Variants in INO80 observed in about 807,000 individuals in gnomAD.
The protein encoded by INO80 is INO80 complex ATPase subunit.
Under a neutral mutation model 203.4 loss-of-function variants are expected in INO80, and 20 were observed. That is an observed-to-expected ratio of 0.10 (90% CI 0.07 to 0.14). The LOEUF is 0.14. INO80 is among the 10% of genes least tolerant of loss of function. The pLI is 1.00. For missense variants in INO80, 1,419 were observed against 1,914.4 expected (o/e 0.74, Z 4.83); for synonymous variants, 726 against 685.2 (o/e 1.06, Z -0.93).
intron 23 of INO80, 99 bp from the exon 24 acceptor site, chr15:41,045,174 T>C: frequency 2.4e-6 from 2 of 849,938 alleles, no homozygotes; most frequent in South Asian, 5.3e-5. Flanking sequence ...ATAACTCTTT[T>C]GTAAATCTTT....
chr15:41,009,540 T>C (rs1396954988), intron 27 of INO80, among the ~76,000 whole-genome samples: 2 of 152,074 alleles, frequency 1.3e-5, no homozygotes, highest in South Asian at 4.2e-4. Flanking sequence ...ATTTCATCCA[T>C]GTCCCTACAA....
Position 41,096,165 on chromosome 15 carries a change from T to C in INO80, c.143+3A>G, listed in dbSNP as rs1250249637. 6.3e-7 allele frequency: 1 copy of C among 1,599,510 alleles called. No homozygotes were observed. Among genetic ancestry groups the C allele is most frequent in the African/African-American group, 1.3e-5 (1 of 74,124 alleles). ...AACATATTGCAAAGATACAATAACA[T>C]ACCTAGAAATATTCCTATTGAAGAT... On this transcript the variant is annotated splice_donor_region_variant and intron_variant, in intron 2 of 35. Transcript: ENST00000648947.
At chr15:41,026,631 A>C (rs71472465) in intron 25 of INO80, among the ~76,000 whole-genome samples, 46 of 152,288 alleles carry the variant, frequency 3.0e-4, no homozygotes, top group African/African-American at 1.1e-3. Context: ...GAGTGGAGAA[A>C]CAAGAGAAAA....
chr15:41,033,007 C>T (rs953530744), intron 24 of INO80, among the ~76,000 whole-genome samples: 3 of 152,138 alleles, frequency 2.0e-5, no homozygotes, highest in African/African-American at 7.2e-5. Context: ...CATTGCACTC[C>T]AGCCTGGGTG....
chr15:41,082,373 G>A (rs945217638), intron 7 of INO80, among the ~76,000 whole-genome samples: 5 of 151,864 alleles, frequency 3.3e-5, no homozygotes, highest in Non-Finnish European at 5.9e-5. Context: ...AGACTAGCCT[G>A]GGCAAGATAG....
chr15:41,083,592 G>GCT (rs1215621721), intron 7 of INO80, among the ~76,000 whole-genome samples: 3 of 151,176 alleles, frequency 2.0e-5, no homozygotes, highest in African/African-American at 7.3e-5. Flanking sequence ...TGTAGTCCCA[G>GCT]CTACTCAGCT....
chr15:41,007,515 A>G (rs1207133413), intron 27 of INO80, among the ~76,000 whole-genome samples: 1 of 152,040 alleles, frequency 6.6e-6, no homozygotes, highest in Non-Finnish European at 1.5e-5. Flanking sequence ...TTCTAGCCTC[A>G]TAAAAGCATT....
intron 25 of INO80, among the ~76,000 whole-genome samples, chr15:41,023,069 C>A (rs2044318350): frequency 6.7e-6 from 1 of 149,150 alleles, no homozygotes; most frequent in Non-Finnish European, 1.5e-5. Flanking sequence ...CCACTGCACT[C>A]CAGCCTGGGC....
chr15:41,017,798 CTCTT>C (rs1404149940), intron 26 of INO80: 1 of 152,206 alleles, frequency 6.6e-6, no homozygotes, highest in African/African-American at 2.4e-5. Flanking sequence ...TTTGTTCAGT[CTCTT>C]TGTTTGGTCC....
At chr15:41,069,033 A>C (rs950213127) in intron 14 of INO80, among the ~76,000 whole-genome samples, 16 of 152,244 alleles carry the variant, frequency 1.1e-4, no homozygotes, top group African/African-American at 3.9e-4. Flanking sequence ...CAGTTTGACC[A>C]CGAGTATCCA....
intron 9 of INO80, among the ~76,000 whole-genome samples, chr15:41,076,880 A>G (rs1353061705): frequency 6.6e-6 from 1 of 152,182 alleles, no homozygotes; most frequent in East Asian, 1.9e-4. Context: ...ACACAGTATA[A>G]GTAGCATATT....
intron 34 of INO80, among the ~76,000 whole-genome samples, chr15:40,983,475 A>C (rs1893911838): frequency 6.6e-6 from 1 of 152,196 alleles, no homozygotes; most frequent in Admixed American, 6.6e-5. Flanking sequence ...TGGCAGCAAC[A>C]CTAGACCCCA....
At chr15:40,990,184 G>A (rs2140417688) in intron 29 of INO80, among the ~76,000 whole-genome samples, 1 of 152,096 alleles carries the variant, frequency 6.6e-6, no homozygotes, top group South Asian at 2.1e-4. Flanking sequence ...ATCACAGCAA[G>A]GGGCTGGGGT....
At chr15:40,981,438 T>C (rs1566896889) in intron 35 of INO80, among the ~76,000 whole-genome samples, 1 of 152,014 alleles carries the variant, frequency 6.6e-6, no homozygotes, top group East Asian at 1.9e-4. Context: ...GGCAAAGGGC[T>C]AAGAAACACT....
chr15:40,990,912 C>G (rs1375403696), intron 29 of INO80, among the ~76,000 whole-genome samples: 1 of 152,016 alleles, frequency 6.6e-6, no homozygotes, highest in Non-Finnish European at 1.5e-5. Context: ...AAAATGACCA[C>G]AAATGTGGAA....
At chr15:41,047,369 C>G (rs747373600) in intron 23 of INO80, 39 bp downstream of exon 23, 1 of 1,273,482 alleles carries the variant, frequency 7.9e-7, no homozygotes, top group South Asian at 1.2e-5. Context: ...CCATTTATTC[C>G]TAACTGGCCT....
intron 18 of INO80, among the ~76,000 whole-genome samples, chr15:41,054,607 T>C (rs745714546): frequency 2.0e-5 from 3 of 152,186 alleles, no homozygotes; most frequent in Non-Finnish European, 4.4e-5. Flanking sequence ...ATTAGACCCA[T>C]AGCATTTGAC....
intron 29 of INO80, among the ~76,000 whole-genome samples, chr15:40,988,207 G>A (rs562129936): frequency 1.1e-4 from 17 of 152,164 alleles, no homozygotes; most frequent in Admixed American, 3.3e-4. Context: ...TAAAAAGAGT[G>A]GCAATAATAT....
At chr15:41,016,367 C>G (rs576815848) in intron 26 of INO80, 152 bp from the exon 27 acceptor site, 1 of 717,876 alleles carries the variant, frequency 1.4e-6, no homozygotes, top group East Asian at 2.8e-5. Context: ...ATGCAACGCC[C>G]TGAAAATATC....
Sources: gnomAD v4.1 joint callset for allele counts (sites outside exome capture counted in the v4.1 genomes callset) on GRCh38, gnomAD v4.1.1 for gene constraint, MANE v1.5 for transcripts, NCBI Gene and HGNC (gene_info 2026-07-23, HGNC 2026-07-21) for gene names.